SIRPG: variants seen among roughly 807,000 people sequenced by gnomAD.
The protein encoded by SIRPG is signal regulatory protein gamma.
Under a neutral mutation model 35.7 loss-of-function variants are expected in SIRPG, and 38 were observed. That is an observed-to-expected ratio of 1.06 (90% CI 0.82 to 1.40). SIRPG has a LOEUF of 1.40. Ranked by LOEUF, SIRPG falls within the 40% of genes most tolerant of loss-of-function variation. The pLI, the probability that SIRPG is intolerant of heterozygous loss-of-function variation, is 0.00. For synonymous variants in SIRPG, 215 were observed against 190.4 expected (o/e 1.13, Z -1.06); for missense variants, 519 against 483.0 (o/e 1.07, Z -0.70).
In SIRPG at chr20:1,657,760, G is replaced by T; in HGVS notation, c.-46C>A. On this transcript the variant is annotated 5_prime_UTR_variant, in exon 1 of 6. Coordinates refer to ENST00000303415, the MANE Select transcript of SIRPG (RefSeq NM_018556.4). The stretch of plus-strand genomic sequence containing the variant: ...GCTCTGTTCAAACGTCTGTTCTGGG[G>T]AGATGTCAGGCCCTGCTCTGAAGAC... 1 of 1,564,142 alleles carries T rather than the reference G, an allele frequency of 6.4e-7. No homozygotes were observed. Among genetic ancestry groups the T allele is most frequent in the African/African-American group, 1.4e-5 (1 of 73,902 alleles).
intron 4 of SIRPG, 118 bp from the exon 5 acceptor site, chr20:1,630,424 G>A (rs2091740941): frequency 2.8e-6 from 2 of 716,606 alleles, no homozygotes; most frequent in East Asian, 2.9e-5. Flanking sequence ...CTTTGAACCT[G>A]CATCCTGCCC....
At chr20:1,676,243 G>T in the SIRPG span, among the ~76,000 whole-genome samples, 1 of 152,186 alleles carries the variant, frequency 6.6e-6, no homozygotes, top group Non-Finnish European at 1.5e-5. Flanking sequence ...ATTAGGCAGT[G>T]TTCTTACATA....
In SIRPG at chr20:1,649,312, G is replaced by A; in HGVS notation, c.170C>T (p.Ser57Phe). ...KTATLHCTVT[S>F]LLPVGPVLWF... Reference sequence around the variant, plus strand: ...CAGGACGGGTCCCACGGGAAGCAGGGAGGTCACAGTGCAGTGCAGAGTGGC... The same window carrying A: ...CAGGACGGGTCCCACGGGAAGCAGGAAGGTCACAGTGCAGTGCAGAGTGGC... Residue 57 changes from serine (S) to phenylalanine (F), a missense_variant, in exon 2 of 6, where the codon TCC becomes TTC. Coordinates refer to ENST00000303415, the MANE Select transcript of SIRPG (RefSeq NM_018556.4). 6.2e-7 allele frequency: 1 copy of A among 1,614,128 alleles called. No homozygotes were observed. The highest frequency in any genetic ancestry group is 8.5e-7 in the Non-Finnish European group (1 of 1,180,022).
chr20:1,630,148 T>G, intron 5 of SIRPG, 74 bp downstream of exon 5: 1 of 1,147,024 alleles, frequency 8.7e-7, no homozygotes, highest in Non-Finnish European at 1.3e-6. Flanking sequence ...CTGCATGGCA[T>G]GTGGGCTGGG....
chr20:1,674,586 C>G, the SIRPG span, among the ~76,000 whole-genome samples: 1 of 152,198 alleles, frequency 6.6e-6, no homozygotes, highest in Non-Finnish European at 1.5e-5. Flanking sequence ...CCTGCACTAA[C>G]CACTGTTCTG....
At chr20:1,633,416 A>G (rs1171713983) in intron 4 of SIRPG, 2 of 152,250 alleles carry the variant, frequency 1.3e-5, no homozygotes, top group Non-Finnish European at 2.9e-5. Flanking sequence ...ATATAAGGGA[A>G]TTGTTTTAAT....
At chr20:1,670,863 G>A in the SIRPG span, 1 of 269,454 alleles carries the variant, frequency 3.7e-6, no homozygotes, top group Non-Finnish European at 7.5e-6. Context: ...ATTGGGCTAG[G>A]AGTGAGGATT....
chr20:1,658,488 CCTTT>C (rs1397863281), upstream of SIRPG, among the ~76,000 whole-genome samples: 1 of 152,010 alleles, frequency 6.6e-6, no homozygotes. Flanking sequence ...ATTTCAATAC[CCTTT>C]CTTCTACACA....
intron 4 of SIRPG, among the ~76,000 whole-genome samples, chr20:1,635,019 G>A (rs957339355): frequency 6.6e-6 from 1 of 150,696 alleles, no homozygotes; most frequent in Non-Finnish European, 1.5e-5. Context: ...CTCCAGTCTG[G>A]GCGACAGAGC....
intron 1 of SIRPG, among the ~76,000 whole-genome samples, chr20:1,654,392 C>A (rs2091962607): frequency 6.6e-6 from 1 of 152,196 alleles, no homozygotes. Flanking sequence ...TAAACTCACA[C>A]ATTCACACTC....
the SIRPG span, among the ~76,000 whole-genome samples, chr20:1,668,137 CTTTTCTTTTCTTT>C: frequency 4.3e-5 from 5 of 116,646 alleles, no homozygotes; most frequent in Admixed American, 1.8e-4. Flanking sequence ...TTTTCTTTCT[CTTTTCTTTTCTTT>C]TTTTCTTTTC....
At chr20:1,663,724 G>C in the SIRPG span, among the ~76,000 whole-genome samples, 1 of 152,248 alleles carries the variant, frequency 6.6e-6, no homozygotes, top group African/African-American at 2.4e-5. Context: ...AAATCAAAGA[G>C]GACTCCAAAG....
At position 1,657,683 on chromosome 20, in the gene SIRPG, G is replaced by A; in HGVS notation, c.32C>T (p.Pro11Leu). 1.2e-6 allele frequency: 2 copies of A among 1,614,192 alleles called. No individual in the cohort carries two copies. The highest frequency in any genetic ancestry group is 1.7e-6 in the Non-Finnish European group (2 of 1,180,030). Reference sequence around the variant, plus strand: ...TAGAGTCAGAAGCAGGAAAGGACCAGGAGGATGGGGCCAGGAGGCTGGGAC... The same window carrying A: ...TAGAGTCAGAAGCAGGAAAGGACCAAGAGGATGGGGCCAGGAGGCTGGGAC... MPVPASWPHPPGPFLLLTLLL... is the reference protein window; with the variant it reads MPVPASWPHPLGPFLLLTLLL... Residue 11 changes from proline to leucine, a missense_variant, in exon 1 of 6, where the codon CCT (proline) becomes CTT (leucine). Physicochemically the swap from Pro to Leu is moderately conservative, Grantham distance 98. Coordinates refer to ENST00000303415, the MANE Select transcript of SIRPG (RefSeq NM_018556.4).
the SIRPG span, among the ~76,000 whole-genome samples, chr20:1,677,093 G>A: frequency 2.0e-4 from 29 of 145,704 alleles, no homozygotes; most frequent in Admixed American, 8.0e-4. Context: ...GGACAATGAG[G>A]CGCAGAGAGG....
chr20:1,653,207 G>A (rs1475527191), intron 1 of SIRPG, among the ~76,000 whole-genome samples: 2 of 152,234 alleles, frequency 1.3e-5, no homozygotes, highest in Non-Finnish European at 2.9e-5. Context: ...GGTGAAACCT[G>A]TGACCTCTAG....
At chr20:1,684,410 AT>A in the SIRPG span, among the ~76,000 whole-genome samples, 2 of 151,904 alleles carry the variant, frequency 1.3e-5, no homozygotes, top group Non-Finnish European at 2.9e-5. Flanking sequence ...ACATATATAT[AT>A]GTATACATAT....
At chr20:1,660,906 C>A (rs2091994189), upstream of SIRPG, among the ~76,000 whole-genome samples, 1 of 152,118 alleles carries the variant, frequency 6.6e-6, no homozygotes, top group South Asian at 2.1e-4. Flanking sequence ...TCTAATGGGT[C>A]CCAGCTGTGT....
intron 2 of SIRPG, among the ~76,000 whole-genome samples, chr20:1,637,936 C>T (rs2091817659): frequency 6.6e-6 from 1 of 152,168 alleles, no homozygotes; most frequent in Admixed American, 6.5e-5. Context: ...CTATAGCAGT[C>T]ATCAGGAAAC....
chr20:1,676,419 A>T, the SIRPG span, among the ~76,000 whole-genome samples: 1 of 152,166 alleles, frequency 6.6e-6, no homozygotes, highest in African/African-American at 2.4e-5. Flanking sequence ...AACAAATTTG[A>T]TATTTTCATA....
Sources: gnomAD v4.1 joint callset for allele counts (sites outside exome capture counted in the v4.1 genomes callset) on GRCh38, gnomAD v4.1.1 for gene constraint, MANE v1.5 for transcripts, NCBI Gene and HGNC (gene_info 2026-07-23, HGNC 2026-07-21) for gene names.